Variants in SH2B1 observed in about 807,000 individuals in gnomAD.
SH2B1 encodes SH2B adaptor protein 1.
Under a neutral mutation model 62.6 loss-of-function variants are expected in SH2B1, and 15 were observed. The ratio of observed to expected loss-of-function variants is 0.24; its 90% confidence interval spans 0.16 to 0.37. The LOEUF (loss-of-function observed/expected upper bound fraction) is 0.37, where lower values mean the gene tolerates loss of function less well. Among genes scored for constraint, SH2B1 ranks in the 10% least tolerant of loss-of-function variants. SH2B1 has a pLI of 1.00. For missense variants in SH2B1, 925 were observed against 1,015.6 expected (o/e 0.91, Z 1.21); for synonymous variants, 443 against 438.0 (o/e 1.01, Z -0.14).
intron 1 of SH2B1, among the ~76,000 whole-genome samples, chr16:28,849,833 G>C (rs1962057722): frequency 6.6e-6 from 1 of 152,156 alleles, no homozygotes; most frequent in Non-Finnish European, 1.5e-5. Context: ...TGAAGCAGGA[G>C]AATCGCTTGA....
Position 28,852,181 on chromosome 16 carries a change from T to A in SH2B1, c.-301+5354T>A, listed in dbSNP as rs936703838. Among the ~76,000 whole-genome samples the A allele has an allele frequency of 3.3e-4, 45 of 135,184 alleles. 5 individuals are homozygous for A. Among genetic ancestry groups the A allele is most frequent in the African/African-American group, 1.2e-3 (40 of 33,220 alleles). The allele number at this position is 135,184 out of a possible 152,430, so 88.7% of individuals were successfully genotyped here. On this transcript the variant is annotated intron_variant, in intron 1 of 10. Coordinates refer to the SH2B1 transcript ENST00000322610. The stretch of plus-strand genomic sequence containing the variant: ...ATGAGCAAGACTCCGTATCCAAAAA[T>A]ATATATATTTTTATTTATATATTTA...
rs1332858225 is a variant in SH2B1 at position 28,864,474 on chromosome 16, A to G, written c.-1621A>G. 12 of 985,394 alleles carry G rather than the reference A, an allele frequency of 1.2e-5. No homozygotes were observed. Among genetic ancestry groups the G allele is most frequent in the Non-Finnish European group, 3.6e-6 (3 of 830,100 alleles). The allele number at this position is 985,394 out of a possible 1,614,324, so 61.0% of individuals were successfully genotyped here. A position where few individuals can be genotyped will look rare whatever the true frequency, so the allele number is the denominator to read the frequency against. On this transcript the variant is annotated 5_prime_UTR_variant, in exon 1 of 8. Transcript: ENST00000684370. The stretch of plus-strand genomic sequence containing the variant: ...TTCCCCCGTGCTCCATGACTCCTGC[A>G]TCTCCTGATTGTTTCTCGTTGGTTT...
upstream of SH2B1, among the ~76,000 whole-genome samples, chr16:28,858,858 T>C (rs540910833): frequency 6.7e-6 from 1 of 149,554 alleles, no homozygotes; most frequent in Non-Finnish European, 1.5e-5. Context: ...GAGAATCACT[T>C]GAATCCAGGA....
At chr16:28,868,584 C>T (rs1159625355) in intron 2 of SH2B1, among the ~76,000 whole-genome samples, 4 of 151,992 alleles carry the variant, frequency 2.6e-5, no homozygotes, top group South Asian at 2.1e-4. Flanking sequence ...CTCAGCCTCT[C>T]GAGTAGCTGG....
chr16:28,868,933 T>C, intron 2 of SH2B1, 73 bp from the exon 3 acceptor site: 3 of 1,129,538 alleles, frequency 2.7e-6, no homozygotes, highest in Non-Finnish European at 4.1e-6. Context: ...CCTGCATACA[T>C]TGTTCTCATT....
chr16:28,866,560 C>G lies in SH2B1; in HGVS notation c.466C>G (p.Arg156Gly). ...GAAGCTCAAGAAGCGCTTTTCCCTG[C>G]GTTCAGTGGGTCGCTCTGTCCGAGG... ...KPKLKKRFSL[R>G]SVGRSVRGSV... The change falls in exon 1 of 8, where the codon CGT becomes GGT. Residue 156 changes from arginine (R) to glycine (G), a missense_variant. Coordinates refer to ENST00000684370, the MANE Select transcript of SH2B1 (RefSeq NM_001387430.1). This position sits in a 1 kb window ranked among gnomAD's most constrained non-coding sequence, Gnocchi z 6.3. 1 of 1,614,048 alleles carries G rather than the reference C, an allele frequency of 6.2e-7. No homozygotes were observed. Among genetic ancestry groups the G allele is most frequent in the Non-Finnish European group, 8.5e-7 (1 of 1,180,034 alleles).
chr16:28,872,406 G>GC lies in SH2B1; in HGVS notation c.1725+7dup, dbSNP rs1963093500. 7 of 1,595,740 alleles carry GC rather than the reference G, an allele frequency of 4.4e-6. No homozygotes were observed. The highest frequency in any genetic ancestry group is 6.0e-6 in the Non-Finnish European group (7 of 1,169,570). On this transcript the variant is annotated splice_donor_region_variant and intron_variant, in intron 6 of 7. Coordinates refer to ENST00000684370, the MANE Select transcript of SH2B1 (RefSeq NM_001387430.1). The surrounding 1 kb of genome is among the most constrained non-coding windows in gnomAD (Gnocchi z 5.3). ...AACTTCCAGGGCAAGGCCAAGGTGAGCCACCCTGTGGGAAAGGCTCTGTTC... is the reference window on the plus strand; with the variant it reads ...AACTTCCAGGGCAAGGCCAAGGTGAGCCCACCCTGTGGGAAAGGCTCTGTTC...
At chr16:28,863,579 G>C, upstream of SH2B1, 2 of 1,162,316 alleles carry the variant, frequency 1.7e-6, no homozygotes, top group East Asian at 2.6e-5. Context: ...CTCTATGGTC[G>C]ACATCGCCCC....
rs750165122 is a variant in SH2B1 at position 28,869,306 on chromosome 16, G to A, written c.1232G>A (p.Cys411Tyr). Residue 411 changes from cysteine (C) to tyrosine (Y), a missense_variant, in exon 4 of 8, where the codon TGC becomes TAC. Cys to Tyr is a radical substitution (Grantham distance 194). Coordinates refer to ENST00000684370, the MANE Select transcript of SH2B1 (RefSeq NM_001387430.1). Reference protein sequence around the residue: ...RENTDSLELSCLNHSESLPSQ... With the variant: ...RENTDSLELSYLNHSESLPSQ... ...AACACAGACAGCCTGGAGCTGTCCT[G>A]CCTGAATCACTCGGAGAGTCTACCC... 6.2e-7 allele frequency: 1 copy of A among 1,614,104 alleles called. No homozygotes were observed. The highest frequency in any genetic ancestry group is 1.1e-5 in the South Asian group (1 of 91,080).
rs566329295 is a variant in SH2B1, at chr16:28,868,414, A to G, written c.1042-592A>G. ...CTCAGCCTCCCAAAGTGCTGGGATT[A>G]TAGGCGTGAGCCACTGCGCCTGGCC... is the stretch of plus-strand genomic sequence containing the variant. On this transcript the variant is annotated intron_variant, in intron 2 of 7. Transcript: ENST00000684370. 2.0e-5 allele frequency among the ~76,000 whole-genome samples: 3 copies of G among 152,218 alleles called. No homozygotes were observed. The East Asian group carries it at 5.8e-4, about 29-fold the overall frequency.
Position 28,872,439 on chromosome 16 carries a change from A to C in SH2B1, c.1725+38A>C. The C allele has an allele frequency of 6.3e-7, 1 of 1,576,580 alleles. No homozygotes were observed. Among genetic ancestry groups the C allele is most frequent in the Non-Finnish European group, 8.6e-7 (1 of 1,158,260 alleles). ...GTGGGAAAGGCTCTGTTCTGTGCAT[A>C]GTTGGCAGTGGGGTGGGGGAGCACT... On this transcript the variant is annotated intron_variant, in intron 6 of 7. Coordinates refer to ENST00000684370, the MANE Select transcript of SH2B1 (RefSeq NM_001387430.1). The surrounding 1 kb of genome is among the most constrained non-coding windows in gnomAD (Gnocchi z 5.3).
chr16:28,853,520 TTC>T (rs1962255094), intron 1 of SH2B1, among the ~76,000 whole-genome samples: 1 of 128,336 alleles, frequency 7.8e-6, no homozygotes, highest in Non-Finnish European at 1.7e-5. Context: ...ACCCCACTTT[TTC>T]TTTTTTTTTT....
chr16:28,866,244 C>T lies in SH2B1; in HGVS notation c.150C>T (p.Ala50=). The change falls in exon 1 of 8, where the codon GCC becomes GCT. Residue 50 remains alanine (A), a synonymous_variant. Transcript: ENST00000684370. The surrounding 1 kb of genome is among the most constrained non-coding windows in gnomAD (Gnocchi z 6.3). The stretch of plus-strand genomic sequence containing the variant: ...CCCGCCGTTTTCGCCTCTACCTGGC[C>T]TCCCACCCCCAATATGCGGGGCCCG... ...DFARRFRLYL[A]SHPQYAGPGA... 1 of 1,611,122 alleles carries T rather than the reference C, an allele frequency of 6.2e-7. No homozygotes were observed. Among genetic ancestry groups the T allele is most frequent in the South Asian group, 1.1e-5 (1 of 90,964 alleles).
At position 28,866,663 on chromosome 16, in the gene SH2B1, G is replaced by T; in HGVS notation, c.569G>T (p.Gly190Val). 1 of 1,610,448 alleles carries T rather than the reference G, an allele frequency of 6.2e-7. No homozygotes were observed. The highest frequency in any genetic ancestry group is 8.5e-7 in the Non-Finnish European group (1 of 1,177,994). Reference protein sequence around the residue: ...SSAGPLETSSGPPVLGGNSNS... With the variant: ...SSAGPLETSSVPPVLGGNSNS... ...GCTGGGCCCCTGGAGACCTCGTCAG[G>T]CCCCCCAGTCTTAGGTGGAAACAGC... Residue 190 changes from glycine to valine, a missense_variant, in exon 1 of 8, where the codon GGC (glycine) becomes GTC (valine). Gly to Val is a moderately radical substitution (Grantham distance 109, BLOSUM62 -3). Around this residue, in one of 3 missense-constraint regions of SH2B1, gnomAD observed 683 missense variants for 704.0 expected, o/e 0.97. Transcript: ENST00000684370. The surrounding 1 kb of genome is among the most constrained non-coding windows in gnomAD (Gnocchi z 6.3).
chr16:28,852,905 TATAC>T (rs1211534673), intron 1 of SH2B1, among the ~76,000 whole-genome samples: 1 of 95,918 alleles, frequency 1.0e-5, no homozygotes, highest in Non-Finnish European at 1.8e-5. Flanking sequence ...TATTTTTATA[TATAC>T]ATGTACATAT....
At chr16:28,848,664 TG>T (rs1470770781) in intron 1 of SH2B1, among the ~76,000 whole-genome samples, 1 of 138,380 alleles carries the variant, frequency 7.2e-6, no homozygotes, top group African/African-American at 2.7e-5. Context: ...CACACCGCAC[TG>T]TCCTTTTTTT....
In SH2B1 at chr16:28,865,003, C is replaced by A; in HGVS notation, c.-1092C>A. 1.4e-6 allele frequency: 1 copy of A among 727,896 alleles called. No individual in the cohort carries two copies. Among genetic ancestry groups the A allele is most frequent in the Non-Finnish European group, 1.7e-6 (1 of 594,880 alleles). 45.1% of individuals were successfully genotyped at this position (727,896 alleles called of 1,614,324 possible). ...GTGGAATTTGTTCAAGATAACATCG[C>A]TCATAAGGTGGCTGGACTGGGTGCT... On this transcript the variant is annotated 5_prime_UTR_variant, in exon 1 of 8. Coordinates refer to ENST00000684370, the MANE Select transcript of SH2B1 (RefSeq NM_001387430.1).
chr16:28,852,951 TTA>T (rs1491538390), intron 1 of SH2B1, among the ~76,000 whole-genome samples: 3 of 88,324 alleles, frequency 3.4e-5, no homozygotes, highest in East Asian at 5.8e-4. Flanking sequence ...CATATATATT[TTA>T]TATATGTACA....
At position 28,873,073 on chromosome 16, in the gene SH2B1, C is replaced by G; in HGVS notation, c.1897+368C>G. ...CTTCCCGGGGACACTCGGTCTGATC[C>G]CCTTCCCTCCTCCCTCAATGTCTCA... On this transcript the variant is annotated intron_variant, in intron 7 of 7. Coordinates refer to ENST00000684370, the MANE Select transcript of SH2B1 (RefSeq NM_001387430.1). The surrounding 1 kb of genome is among the most constrained non-coding windows in gnomAD (Gnocchi z 4.2). 1 of 837,938 alleles carries G rather than the reference C, an allele frequency of 1.2e-6. No individual in the cohort carries two copies. Among genetic ancestry groups the G allele is most frequent in the Non-Finnish European group, 1.8e-6 (1 of 547,576 alleles). 51.9% of individuals were successfully genotyped at this position (837,938 alleles called of 1,614,324 possible).
Sources: gnomAD v4.1 joint callset for allele counts (sites outside exome capture counted in the v4.1 genomes callset) on GRCh38, gnomAD v4.1.1 for gene constraint, gnomAD v4.1.1 regional missense constraint, Gnocchi (gnomAD v3.1) non-coding constraint, MANE v1.5 for transcripts, NCBI Gene and HGNC (gene_info 2026-07-23, HGNC 2026-07-21) for gene names.